NRXN1: variants seen among roughly 807,000 people sequenced by gnomAD.
NRXN1 encodes neurexin-1.
In NRXN1, 39 loss-of-function variants were observed where a neutral mutation model predicts 150.9. That is an observed-to-expected ratio of 0.26 (90% CI 0.20 to 0.34). The LOEUF is 0.34. Ranked by LOEUF, NRXN1 falls within the 10% of genes least tolerant of loss-of-function variation. The pLI is 1.00. For synonymous variants in NRXN1, 924 were observed against 757.0 expected, an observed-to-expected ratio of 1.22 and a Z score of -3.62; for missense variants, 1,815 against 1,949.9, an observed-to-expected ratio of 0.93 and a Z score of 1.30.
intron 17 of NRXN1, among the ~76,000 whole-genome samples, chr2:50,261,896 T>A (rs1574809197): frequency 6.6e-6 from 1 of 151,816 alleles, no homozygotes; most frequent in Non-Finnish European, 1.5e-5. Flanking sequence ...CTTTGTGACT[T>A]TGCCAAAGTT....
chr2:50,635,629 C>G (rs1315791576), intron 5 of NRXN1, among the ~76,000 whole-genome samples: 1 of 152,132 alleles, frequency 6.6e-6, no homozygotes, highest in Non-Finnish European at 1.5e-5. Flanking sequence ...TACACAGGCT[C>G]TACATGTGAT....
chr2:50,252,203 T>A (rs940364008), intron 17 of NRXN1, among the ~76,000 whole-genome samples: 7 of 150,252 alleles, frequency 4.7e-5, no homozygotes, highest in African/African-American at 7.3e-5. Flanking sequence ...TTAACTTTTT[T>A]AAAATTTTAT....
At chr2:50,019,234 T>TA (rs1183567071) in intron 21 of NRXN1, 1 of 471,538 alleles carries the variant, frequency 2.1e-6, no homozygotes, top group East Asian at 7.0e-5. Flanking sequence ...GTTTAGTACT[T>TA]ACTTGTTTTC....
intron 18 of NRXN1, among the ~76,000 whole-genome samples, chr2:50,137,443 T>G (rs1443411073): frequency 6.6e-6 from 1 of 152,116 alleles, no homozygotes; most frequent in Non-Finnish European, 1.5e-5. Context: ...TAGTATGGAT[T>G]TGCACTGAAA....
intron 5 of NRXN1, among the ~76,000 whole-genome samples, chr2:50,847,227 T>A (rs1261042499): frequency 1.2e-4 from 18 of 152,226 alleles, no homozygotes; most frequent in East Asian, 7.7e-4. Flanking sequence ...GTGTTCTTTT[T>A]TTATTATTAT....
At chr2:51,004,035 ATTG>A (rs1389931580) in intron 2 of NRXN1, among the ~76,000 whole-genome samples, 15 of 150,002 alleles carry the variant, frequency 1.0e-4, no homozygotes, top group South Asian at 4.2e-4. Flanking sequence ...GTTTTTTGTT[ATTG>A]TTGTTGTTGT....
chr2:50,031,542 G>C (rs971889659), intron 21 of NRXN1, among the ~76,000 whole-genome samples: 7 of 151,806 alleles, frequency 4.6e-5, no homozygotes, highest in African/African-American at 1.7e-4. Flanking sequence ...CACAATATAT[G>C]GAATTTAGAA....
rs6731398 is a variant in NRXN1 at position 50,097,016 on chromosome 2, G to T, written c.3547-5522C>A. ...AATATGTGCCTATGAAATGGATAAA[G>T]CAGAATACACGTAAGTAAAGATTTC... On this transcript the variant is annotated intron_variant, in intron 18 of 22. Transcript: ENST00000401669. Among the ~76,000 whole-genome samples the T allele has an allele frequency of 6.0e-3, 910 of 152,290 alleles. 10 individuals are homozygous for T. Among genetic ancestry groups the T allele is most frequent in the African/African-American group, 0.021 (870 of 41,564 alleles).
intron 5 of NRXN1, among the ~76,000 whole-genome samples, chr2:50,799,125 A>G (rs1283333160): frequency 6.6e-6 from 1 of 152,196 alleles, no homozygotes; most frequent in Non-Finnish European, 1.5e-5. Flanking sequence ...TGGACATGAA[A>G]AAAATAATAT....
At chr2:49,983,409 C>A (rs1680323676) in intron 21 of NRXN1, among the ~76,000 whole-genome samples, 1 of 152,022 alleles carries the variant, frequency 6.6e-6, no homozygotes, top group African/African-American at 2.4e-5. Context: ...TGCTTTCTTT[C>A]CTTAAGTCTT....
At chr2:50,278,296 AATATATATTTTAT>A (rs2070906864) in intron 17 of NRXN1, among the ~76,000 whole-genome samples, 1 of 72,152 alleles carries the variant, frequency 1.4e-5, no homozygotes, top group Non-Finnish European at 2.9e-5. Context: ...ATACATATAT[AATATATATTTTAT>A]ATATATATTA....
At chr2:50,391,571 T>C (rs1304429076) in intron 17 of NRXN1, among the ~76,000 whole-genome samples, 4 of 152,122 alleles carry the variant, frequency 2.6e-5, no homozygotes, top group African/African-American at 9.7e-5. Flanking sequence ...TATTGAAGCG[T>C]TGGGAACACT....
intron 5 of NRXN1, among the ~76,000 whole-genome samples, chr2:50,921,385 G>T (rs983174469): frequency 6.6e-6 from 1 of 151,696 alleles, no homozygotes; most frequent in East Asian, 1.9e-4. Context: ...TGCCTTTTTA[G>T]GTTACTACAG....
At chr2:50,116,551 G>T (rs914784331) in intron 18 of NRXN1, among the ~76,000 whole-genome samples, 1 of 151,992 alleles carries the variant, frequency 6.6e-6, no homozygotes, top group Admixed American at 6.6e-5. Flanking sequence ...CCCTTCCAAG[G>T]CATTCTCAAA....
chr2:50,429,527 G>A (rs1186680875), intron 17 of NRXN1, among the ~76,000 whole-genome samples: 2 of 152,052 alleles, frequency 1.3e-5, no homozygotes, highest in Non-Finnish European at 2.9e-5. Flanking sequence ...AAAGTGGTGG[G>A]ATTACAGGCA....
chr2:50,560,077 G>A (rs1668829187), intron 8 of NRXN1, among the ~76,000 whole-genome samples: 1 of 152,160 alleles, frequency 6.6e-6, no homozygotes, highest in African/African-American at 2.4e-5. Context: ...ATAAAGGCAA[G>A]GTGGTCACTT....
chr2:50,191,307 T>C (rs1043095974), intron 18 of NRXN1, among the ~76,000 whole-genome samples: 7 of 152,090 alleles, frequency 4.6e-5, no homozygotes, highest in African/African-American at 1.7e-4. Context: ...CCCAAAGTTT[T>C]GGGAACACAG....
intron 21 of NRXN1, among the ~76,000 whole-genome samples, chr2:50,018,425 G>T (rs565103191): frequency 1.3e-5 from 2 of 152,246 alleles, no homozygotes; most frequent in South Asian, 2.1e-4. Context: ...GGAATATTCA[G>T]TAAAAAGGGT....
chr2:50,632,194 C>G (rs1290245288), intron 5 of NRXN1, among the ~76,000 whole-genome samples: 1 of 151,918 alleles, frequency 6.6e-6, no homozygotes, highest in Admixed American at 6.6e-5. Context: ...ATCTATTTAA[C>G]CAAACCCCAA....
Sources: gnomAD v4.1 joint callset for allele counts (sites outside exome capture counted in the v4.1 genomes callset) on GRCh38, gnomAD v4.1.1 for gene constraint, MANE v1.5 for transcripts, NCBI Gene and HGNC (gene_info 2026-07-23, HGNC 2026-07-21) for gene names.